The following LARP1B variants were observed in gnomAD, a reference collection of about 807,000 sequenced individuals.
LARP1B encodes La ribonucleoprotein 1B, also known as la-related protein 1B.
Under a neutral mutation model 114.2 loss-of-function variants are expected in LARP1B, and 76 were observed. The ratio of observed to expected loss-of-function variants is 0.67; its 90% CI spans 0.55 to 0.81. The LOEUF (loss-of-function observed/expected upper bound fraction) is 0.81, where lower values mean the gene tolerates loss of function less well. LARP1B is among the 30% of genes least tolerant of loss of function. LARP1B has a pLI of 0.00. For missense variants in LARP1B, 1,014 were observed against 1,075.8 expected (o/e 0.94, Z 0.80); for synonymous variants, 345 against 348.0 (o/e 0.99, Z 0.10).
intron 11 of LARP1B, among the ~76,000 whole-genome samples, chr4:128,156,376 AC>A (rs1468973517): frequency 1.3e-5 from 2 of 152,078 alleles, no homozygotes; most frequent in African/African-American, 4.8e-5. Flanking sequence ...GCTTGGGGCC[AC>A]CAAAGCTGCC....
chr4:128,141,313 T>C (rs960136754), intron 11 of LARP1B, among the ~76,000 whole-genome samples: 4 of 152,146 alleles, frequency 2.6e-5, no homozygotes, highest in African/African-American at 9.7e-5. Context: ...AGCTCAGGAA[T>C]TTCCTGGTCC....
At chr4:128,168,292 A>ATTTT (rs1313515335) in intron 12 of LARP1B, among the ~76,000 whole-genome samples, 8 of 150,696 alleles carry the variant, frequency 5.3e-5, no homozygotes, top group African/African-American at 2.0e-4. Context: ...TTTTTTTAAA[A>ATTTT]AATTTTGCCC....
chr4:128,065,294 T>TC, intron 1 of LARP1B, among the ~76,000 whole-genome samples: 6 of 136,196 alleles, frequency 4.4e-5, no homozygotes, highest in East Asian at 4.1e-4. Context: ...TCTTTCTTTC[T>TC]TTCTTTCTTT....
At chr4:128,110,236 A>G (rs1284230303) in intron 9 of LARP1B, among the ~76,000 whole-genome samples, 1 of 152,054 alleles carries the variant, frequency 6.6e-6, no homozygotes, top group Non-Finnish European at 1.5e-5. Context: ...GCAAAGATAA[A>G]TTTTCTGTGT....
intron 12 of LARP1B, among the ~76,000 whole-genome samples, chr4:128,175,641 G>A (rs150293051): frequency 2.6e-5 from 4 of 152,150 alleles, no homozygotes; most frequent in African/African-American, 9.6e-5. Flanking sequence ...AAAATAATGA[G>A]TTGGTGCCCT....
chr4:128,069,410 G>A, intron 1 of LARP1B: 1 of 761,790 alleles, frequency 1.3e-6, no homozygotes, highest in Non-Finnish European at 2.4e-6. Flanking sequence ...TAGGAACTGG[G>A]TGCTTTCGGC....
intron 13 of LARP1B, 148 bp from the exon 14 acceptor site, chr4:128,178,280 CAAA>C (rs1747118773): frequency 5.0e-6 from 3 of 594,996 alleles, no homozygotes; most frequent in Non-Finnish European, 8.5e-6. Context: ...AGATAATGGT[CAAA>C]AAAGTATTTG....
chr4:128,220,789 T>A (rs1759955773), intron 7 of LARP1B, among the ~76,000 whole-genome samples: 1 of 152,226 alleles, frequency 6.6e-6, no homozygotes, highest in African/African-American at 2.4e-5. Context: ...CTAAGCCATG[T>A]AGTTAAGTCA....
At chr4:128,170,125 T>C (rs1354670593) in intron 12 of LARP1B, among the ~76,000 whole-genome samples, 1 of 152,150 alleles carries the variant, frequency 6.6e-6, no homozygotes, top group Non-Finnish European at 1.5e-5. Context: ...GTTACCCCTC[T>C]GTTATTAATC....
At chr4:128,091,243 T>C (rs1452776552) in intron 6 of LARP1B, 99 bp downstream of exon 6, 2 of 1,525,296 alleles carry the variant, frequency 1.3e-6, no homozygotes, top group Non-Finnish European at 1.8e-6. Context: ...TGTCTGATAA[T>C]AGATGGTTTT....
chr4:128,085,198 A>C (rs1772942066), intron 5 of LARP1B, among the ~76,000 whole-genome samples: 1 of 152,074 alleles, frequency 6.6e-6, no homozygotes, highest in South Asian at 2.1e-4. Flanking sequence ...TGGTTGAGGT[A>C]GTGTACTCTA....
chr4:128,111,509 G>A (rs1465913264), intron 9 of LARP1B, among the ~76,000 whole-genome samples: 1 of 152,094 alleles, frequency 6.6e-6, no homozygotes, highest in Non-Finnish European at 1.5e-5. Flanking sequence ...GGCCAGCCTG[G>A]GTAACAAAGT....
In LARP1B at chr4:128,143,881, C is replaced by T. The variant is rs1041001803; in HGVS notation, c.1525-18313C>T. On this transcript the variant is annotated intron_variant, in intron 11 of 19. Coordinates refer to ENST00000326639, the MANE Select transcript of LARP1B (RefSeq NM_018078.4). ...AGAACATTTTACATGGTGATGGGAA[C>T]GGTCCAGTGTAAAGAGAGAATGGAA... Among the ~76,000 whole-genome samples, 9 of 150,492 alleles carry T rather than the reference C, an allele frequency of 6.0e-5. No homozygotes were observed. In the East Asian group the frequency reaches 9.7e-4, roughly 16 times the overall value.
At chr4:128,139,411 T>C (rs890046213) in intron 11 of LARP1B, among the ~76,000 whole-genome samples, 2 of 152,126 alleles carry the variant, frequency 1.3e-5, no homozygotes, top group Non-Finnish European at 2.9e-5. Context: ...GAGGATCCCT[T>C]GAGCCCAAAA....
At chr4:128,091,196 A>T (rs1218105461) in intron 6 of LARP1B, 52 bp downstream of exon 6, 1 of 1,591,122 alleles carries the variant, frequency 6.3e-7, no homozygotes, top group South Asian at 1.1e-5. Flanking sequence ...AAAAAAATAG[A>T]GCAACTATCC....
intron 5 of LARP1B, among the ~76,000 whole-genome samples, chr4:128,089,541 G>A (rs1220662016): frequency 2.6e-5 from 4 of 151,842 alleles, no homozygotes; most frequent in South Asian, 2.1e-4. Context: ...TTGCCATGTC[G>A]GCCAGGCTGG....
intron 1 of LARP1B, chr4:128,062,008 A>G (rs1046052916): frequency 2.0e-6 from 2 of 984,648 alleles, no homozygotes; most frequent in South Asian, 4.7e-5. Flanking sequence ...GGGAGCCGCC[A>G]CCGCCACCGC....
At chr4:128,157,268 C>G (rs1736245293) in intron 11 of LARP1B, among the ~76,000 whole-genome samples, 1 of 151,972 alleles carries the variant, frequency 6.6e-6, no homozygotes, top group African/African-American at 2.4e-5. Flanking sequence ...TAGATCAGGA[C>G]AGTGAAGAGA....
intron 15 of LARP1B, among the ~76,000 whole-genome samples, chr4:128,181,919 C>T (rs552799157): frequency 2.7e-5 from 4 of 150,838 alleles, no homozygotes; most frequent in Admixed American, 2.6e-4. Context: ...CATTCTCCTG[C>T]CTCAGCCTCC....
Sources: gnomAD v4.1 joint callset for allele counts (sites outside exome capture counted in the v4.1 genomes callset) on GRCh38, gnomAD v4.1.1 for gene constraint, MANE v1.5 for transcripts, NCBI Gene and HGNC (gene_info 2026-07-23, HGNC 2026-07-21) for gene names.